NTN1: variants seen among roughly 807,000 people sequenced by gnomAD.
The protein encoded by NTN1 is netrin-1.
NTN1 carries 11 observed loss-of-function variants against 54.2 expected under a neutral mutation model. The observed-to-expected ratio is 0.20, with a 90% CI of 0.13 to 0.34. The LOEUF is 0.34. NTN1 is among the 10% of genes least tolerant of loss of function. NTN1 has a pLI of 1.00. For synonymous variants in NTN1, 371 were observed against 382.0 expected (o/e 0.97, Z 0.33); for missense variants, 740 against 893.1 (o/e 0.83, Z 2.18).
At chr17:9,189,938 G>T (rs1202497154) in intron 5 of NTN1, among the ~76,000 whole-genome samples, 2 of 152,310 alleles carry the variant, frequency 1.3e-5, no homozygotes, top group Non-Finnish European at 2.9e-5. Context: ...AGGTAGCCAG[G>T]GTGAGACAGG....
chr17:9,018,524 C>T (rs2091836427), upstream of NTN1, among the ~76,000 whole-genome samples: 1 of 149,780 alleles, frequency 6.7e-6, no homozygotes, highest in African/African-American at 2.5e-5. Context: ...ATCCCAGCTA[C>T]TTGGGAGGCT....
At chr17:9,015,399 A>C in the NTN1 span, among the ~76,000 whole-genome samples, 2 of 152,180 alleles carry the variant, frequency 1.3e-5, no homozygotes, top group Non-Finnish European at 2.9e-5. Flanking sequence ...CATCAGAGTG[A>C]GACTCTGTCT....
At chr17:9,236,794 T>C (rs910022154) in intron 6 of NTN1, among the ~76,000 whole-genome samples, 1 of 152,216 alleles carries the variant, frequency 6.6e-6, no homozygotes, top group African/African-American at 2.4e-5. Context: ...CAGGTCCCCT[T>C]CAGGACCGTG....
chr17:9,126,698 G>A (rs1459427302), intron 2 of NTN1, among the ~76,000 whole-genome samples: 3 of 152,150 alleles, frequency 2.0e-5, no homozygotes, highest in Non-Finnish European at 1.5e-5. Flanking sequence ...TCTGATGATG[G>A]GTAGGAGGGC....
chr17:9,192,005 T>C (rs1597529620), intron 5 of NTN1, among the ~76,000 whole-genome samples: 1 of 144,106 alleles, frequency 6.9e-6, no homozygotes, highest in African/African-American at 2.6e-5. Flanking sequence ...GAGATTAGAG[T>C]GACACTGTTT....
rs76438848 is a variant in NTN1 at position 9,211,738 on chromosome 17, C to T, written c.1412-9430C>T. On this transcript the variant is annotated intron_variant, in intron 5 of 6. Coordinates refer to ENST00000173229, the MANE Select transcript of NTN1 (RefSeq NM_004822.3). This position sits in a 1 kb window ranked among gnomAD's most constrained non-coding sequence, Gnocchi z 4.4. ...CCTTCACCAGTTTGCTAGGCAGAAG[C>T]GCTATATTCTTGTTGGTTTATGTTT... Among the ~76,000 whole-genome samples the T allele has an allele frequency of 2.1e-3, 327 of 152,188 alleles. 4 individuals are homozygous for T. In the East Asian group the frequency reaches 0.045, roughly 21 times the overall value.
intron 6 of NTN1, among the ~76,000 whole-genome samples, chr17:9,236,481 G>A (rs1165033590): frequency 6.6e-6 from 1 of 152,242 alleles, no homozygotes; most frequent in African/African-American, 2.4e-5. Flanking sequence ...CTTGGCCCAT[G>A]CACTGCATAT....
chr17:9,023,308 G>A lies in NTN1; in HGVS notation c.935G>A (p.Gly312Asp), dbSNP rs2091859710. 3 of 1,542,278 alleles carry A rather than the reference G, an allele frequency of 1.9e-6. No homozygotes were observed. Among genetic ancestry groups the A allele is most frequent in the Non-Finnish European group, 2.6e-6 (3 of 1,146,458 alleles). The change falls in exon 2 of 7, where the codon GGC (glycine) becomes GAC (aspartate). Residue 312 changes from glycine to aspartate, a missense_variant. By Grantham distance (94) the Gly-to-Asp change is moderately conservative. Transcript: ENST00000173229. ...LVCDCRHNTA[G>D]PECDRCKPFH... ...TGCGACTGCAGGCACAACACGGCCG[G>A]CCCGGAGTGCGACCGCTGCAAGCCC...
intron 2 of NTN1, among the ~76,000 whole-genome samples, chr17:9,155,116 A>G (rs976807874): frequency 3.3e-5 from 5 of 152,156 alleles, no homozygotes; most frequent in African/African-American, 4.8e-5. Flanking sequence ...AGAGGTCCAG[A>G]AGAACGGCCT....
Position 9,212,329 on chromosome 17 carries a change from C to T in NTN1, c.1412-8839C>T, listed in dbSNP as rs1481717027. The stretch of plus-strand genomic sequence containing the variant: ...AGAGCCAGCTTCCTGGGGAGTGTGT[C>T]CTCCATTCTCATCATGCCTCGCGCA... On this transcript the variant is annotated intron_variant, in intron 5 of 6. Transcript: ENST00000173229. The surrounding 1 kb of genome is among the most constrained non-coding windows in gnomAD (Gnocchi z 5.5). Among the ~76,000 whole-genome samples, 1 of 152,154 alleles carries T rather than the reference C, an allele frequency of 6.6e-6. No homozygotes were observed. The highest frequency in any genetic ancestry group is 1.5e-5 in the Non-Finnish European group (1 of 68,024).
the NTN1 span, among the ~76,000 whole-genome samples, chr17:9,006,205 C>A: frequency 6.6e-6 from 1 of 152,188 alleles, no homozygotes. Context: ...GGACAAGTCC[C>A]TATTTATGTA....
intron 2 of NTN1, among the ~76,000 whole-genome samples, chr17:9,132,677 C>A (rs1008554653): frequency 6.6e-6 from 1 of 152,086 alleles, no homozygotes; most frequent in Non-Finnish European, 1.5e-5. Context: ...GAGTTCAAGA[C>A]CAGCCTGACC....
rs1380584712 is a variant in NTN1, at chr17:9,219,818, C to A, written c.1412-1350C>A. ...AGGACGCTGCCACCTGCCCCTGGAG[C>A]AGCCGCCCGTGTGTGTGCACGTGTG... On this transcript the variant is annotated intron_variant, in intron 5 of 6. Coordinates refer to ENST00000173229, the MANE Select transcript of NTN1 (RefSeq NM_004822.3). This position sits in a 1 kb window ranked among gnomAD's most constrained non-coding sequence, Gnocchi z 4.5. Among the ~76,000 whole-genome samples the A allele has an allele frequency of 6.6e-6, 1 of 152,230 alleles. No homozygotes were observed. The highest frequency in any genetic ancestry group is 1.5e-5 in the Non-Finnish European group (1 of 68,038).
chr17:9,023,469 C>A, intron 2 of NTN1, 78 bp downstream of exon 2: 3 of 1,316,830 alleles, frequency 2.3e-6, no homozygotes, highest in Non-Finnish European at 2.9e-6. Flanking sequence ...GCGGCGAGTT[C>A]ATAGGAGCGC....
At chr17:9,144,414 T>C (rs564584586) in intron 2 of NTN1, among the ~76,000 whole-genome samples, 1 of 152,088 alleles carries the variant, frequency 6.6e-6, no homozygotes, top group Non-Finnish European at 1.5e-5. Context: ...AACTGAGGCA[T>C]AGAGGTGATC....
At chr17:9,067,588 T>C (rs954675575) in intron 2 of NTN1, among the ~76,000 whole-genome samples, 1 of 152,222 alleles carries the variant, frequency 6.6e-6, no homozygotes, top group African/African-American at 2.4e-5. Flanking sequence ...TCTCCACTCC[T>C]GTCTCTTACA....
chr17:9,198,559 G>C (rs1049921702), intron 5 of NTN1, among the ~76,000 whole-genome samples: 1 of 152,110 alleles, frequency 6.6e-6, no homozygotes, highest in African/African-American at 2.4e-5. Flanking sequence ...GACCATCTGT[G>C]GGTTTCTGTT....
intron 3 of NTN1, among the ~76,000 whole-genome samples, chr17:9,169,238 A>G (rs1034893): frequency 0.15 from 22,666 of 152,204 alleles, 1,786 homozygotes; most frequent in Middle Eastern, 0.17. Context: ...TTGACATTCC[A>G]CATTCCACAT....
chr17:9,224,911 C>G (rs1391070607), intron 6 of NTN1, among the ~76,000 whole-genome samples: 1 of 152,108 alleles, frequency 6.6e-6, no homozygotes, highest in Non-Finnish European at 1.5e-5. Flanking sequence ...ACTCCACAGC[C>G]AGGACTGACA....
Sources: allele counts gnomAD v4.1 joint callset (sites outside exome capture counted in the v4.1 genomes callset), GRCh38; gene constraint gnomAD v4.1.1; non-coding constraint Gnocchi (gnomAD v3.1); transcripts MANE v1.5; gene names NCBI Gene and HGNC (gene_info 2026-07-23, HGNC 2026-07-21).